Variants in LRMDA observed in about 807,000 individuals in gnomAD.
LRMDA encodes leucine rich melanocyte differentiation associated.
A neutral mutation model predicts 29.8 loss-of-function variants in LRMDA; 18 were observed. The ratio of observed to expected loss-of-function variants is 0.60; its 90% CI spans 0.42 to 0.90. The LOEUF (loss-of-function observed/expected upper bound fraction) is 0.90, where lower values mean the gene tolerates loss of function less well. LRMDA is among the 40% of genes least tolerant of loss of function. The pLI is 0.00. For synonymous variants in LRMDA, 125 were observed against 109.4 expected, an observed-to-expected ratio of 1.14 and a Z score of -0.89; for missense variants, 273 against 273.9, an observed-to-expected ratio of 1.00 and a Z score of 0.02.
intron 2 of LRMDA, among the ~76,000 whole-genome samples, chr10:75,572,391 C>A (rs1840448812): frequency 6.6e-6 from 1 of 150,960 alleles, no homozygotes; most frequent in Non-Finnish European, 1.5e-5. Flanking sequence ...TTGTATGTAA[C>A]AAAGCACAGG....
intron 2 of LRMDA, among the ~76,000 whole-genome samples, chr10:75,768,633 G>A (rs1843200027): frequency 6.6e-6 from 1 of 152,124 alleles, no homozygotes; most frequent in South Asian, 2.1e-4. Flanking sequence ...TCCAAATGCG[G>A]TCTTTCAGTC....
At chr10:75,923,646 G>C (rs1271725131) in intron 2 of LRMDA, among the ~76,000 whole-genome samples, 1 of 152,106 alleles carries the variant, frequency 6.6e-6, no homozygotes, top group Non-Finnish European at 1.5e-5. Context: ...TTTGTTTTTA[G>C]ATCAATGCCA....
rs572984730 is a variant in LRMDA, at chr10:75,879,097, G to A, written c.132-156911G>A. The stretch of plus-strand genomic sequence containing the variant: ...ACAGACATAGCCTTACTCTTCAACC[G>A]ATCTCACAATCCCCTGCCCACCATC... On this transcript the variant is annotated intron_variant, in intron 2 of 6. Transcript: ENST00000611255. Among the ~76,000 whole-genome samples the A allele has an allele frequency of 2.0e-4, 30 of 152,276 alleles. 1 individual carries two copies. Among genetic ancestry groups the A allele is most frequent in the South Asian group, 1.9e-3 (9 of 4,814 alleles).
chr10:75,438,371 T>C, intron 1 of LRMDA, 23 bp from the exon 2 acceptor site: 1 of 1,533,706 alleles, frequency 6.5e-7, no homozygotes, highest in Non-Finnish European at 8.8e-7. Flanking sequence ...TGCCACATTG[T>C]TTCTGTTCCA....
intron 2 of LRMDA, among the ~76,000 whole-genome samples, chr10:75,843,076 A>T (rs1399851735): frequency 6.6e-6 from 1 of 152,232 alleles, no homozygotes; most frequent in East Asian, 1.9e-4. Context: ...GCACTAGAGC[A>T]CAAGCTCTTT....
At chr10:75,633,249 G>A (rs1202210134) in intron 2 of LRMDA, among the ~76,000 whole-genome samples, 2 of 152,328 alleles carry the variant, frequency 1.3e-5, no homozygotes, top group East Asian at 3.9e-4. Context: ...ATGGGGAGAA[G>A]AATGTCCAAT....
At chr10:75,432,188 A>G (rs568960042) in intron 1 of LRMDA, among the ~76,000 whole-genome samples, 32 of 152,364 alleles carry the variant, frequency 2.1e-4, no homozygotes, top group Non-Finnish European at 3.1e-4. Flanking sequence ...TAATATACAA[A>G]TTTACTTATT....
At chr10:76,253,083 T>C (rs1852515449) in intron 5 of LRMDA, among the ~76,000 whole-genome samples, 2 of 152,230 alleles carry the variant, frequency 1.3e-5, no homozygotes, top group African/African-American at 4.8e-5. Context: ...TCTGGGCTTT[T>C]ATTTTTATAT....
chr10:76,040,140 C>T (rs1848317026), intron 3 of LRMDA, among the ~76,000 whole-genome samples: 1 of 152,140 alleles, frequency 6.6e-6, no homozygotes, highest in Non-Finnish European at 1.5e-5. Context: ...TTCCCAGCTC[C>T]AGACTCTGAA....
chr10:75,569,934 AG>A (rs1466663307), intron 2 of LRMDA, among the ~76,000 whole-genome samples: 1 of 152,264 alleles, frequency 6.6e-6, no homozygotes, highest in Non-Finnish European at 1.5e-5. Flanking sequence ...GCTGTTCTCC[AG>A]GCTGATAGAC....
At chr10:75,603,949 G>A (rs910474481) in intron 2 of LRMDA, among the ~76,000 whole-genome samples, 1 of 152,146 alleles carries the variant, frequency 6.6e-6, no homozygotes, top group African/African-American at 2.4e-5. Context: ...GCCATGAACT[G>A]TTAGCTTTCT....
chr10:76,256,551 C>T (rs1589397085), intron 5 of LRMDA, among the ~76,000 whole-genome samples: 1 of 152,208 alleles, frequency 6.6e-6, no homozygotes, highest in Non-Finnish European at 1.5e-5. Context: ...AGTTTTAAAA[C>T]AATAATAAAA....
intron 2 of LRMDA, chr10:75,883,598 C>T (rs889123165): frequency 6.6e-6 from 1 of 152,056 alleles, no homozygotes; most frequent in Non-Finnish European, 1.5e-5. Context: ...TTGGTTATCA[C>T]ATGATGGATT....
chr10:75,813,586 C>A (rs971265699), intron 2 of LRMDA, among the ~76,000 whole-genome samples: 1 of 152,138 alleles, frequency 6.6e-6, no homozygotes, highest in Non-Finnish European at 1.5e-5. Flanking sequence ...GAGTGATGCT[C>A]TTTGGACGAC....
intron 2 of LRMDA, among the ~76,000 whole-genome samples, chr10:75,813,909 A>T (rs1589215674): frequency 1.3e-5 from 2 of 152,220 alleles, no homozygotes; most frequent in East Asian, 3.9e-4. Context: ...CAAAATGCTG[A>T]ATCTTCATTA....
chr10:75,804,818 G>A (rs1177161944), intron 2 of LRMDA, among the ~76,000 whole-genome samples: 2 of 152,202 alleles, frequency 1.3e-5, no homozygotes, highest in Non-Finnish European at 2.9e-5. Flanking sequence ...GAGTTTCTGA[G>A]GTTGAGATTA....
In LRMDA at chr10:76,159,704, A is replaced by G. The variant is rs144831006; in HGVS notation, c.516+100921A>G. On this transcript the variant is annotated intron_variant, in intron 5 of 6. Transcript: ENST00000611255. ...ACAATGGAATGCTATTCAACACTAAAAAGACATGAGCTATCAAACCATGCA... is the reference window on the plus strand; with the variant it reads ...ACAATGGAATGCTATTCAACACTAAGAAGACATGAGCTATCAAACCATGCA... Among the ~76,000 whole-genome samples the G allele has an allele frequency of 5.4e-4, 83 of 152,314 alleles. 1 individual carries two copies. In the East Asian group the frequency reaches 0.014, roughly 27 times the overall value.
At chr10:76,408,970 A>G (rs1199463728) in intron 6 of LRMDA, among the ~76,000 whole-genome samples, 1 of 152,166 alleles carries the variant, frequency 6.6e-6, no homozygotes. Context: ...CTCAAAAAAT[A>G]TTTTAGGAAT....
chr10:76,275,742 T>C (rs1422657060), intron 5 of LRMDA, among the ~76,000 whole-genome samples: 1 of 152,176 alleles, frequency 6.6e-6, no homozygotes, highest in Non-Finnish European at 1.5e-5. Context: ...AGGTTCTTGA[T>C]GAAAAAATTT....
Sources: allele counts gnomAD v4.1 joint callset (sites outside exome capture counted in the v4.1 genomes callset), GRCh38; gene constraint gnomAD v4.1.1; transcripts MANE v1.5; gene names NCBI Gene and HGNC (gene_info 2026-07-23, HGNC 2026-07-21).